The following KNDC1 variants were observed in gnomAD, a reference collection of about 807,000 sequenced individuals.
KNDC1 encodes kinase non-catalytic C-lobe domain containing 1, also known as kinase non-catalytic C-lobe domain-containing protein 1.
In KNDC1, 106 loss-of-function variants were observed where a neutral mutation model predicts 172.8. That is an observed-to-expected ratio of 0.61 (90% CI 0.52 to 0.72). The LOEUF (loss-of-function observed/expected upper bound fraction) is 0.72, where lower values mean the gene tolerates loss of function less well. Ranked by LOEUF, KNDC1 falls within the 30% of genes least tolerant of loss-of-function variation. The pLI, the probability that KNDC1 is intolerant of heterozygous loss-of-function variation, is 0.00. For synonymous variants in KNDC1, 1,083 were observed against 1,062.2 expected (o/e 1.02, Z -0.38); for missense variants, 2,325 against 2,394.5 (o/e 0.97, Z 0.61).
rs1303846964 is a variant in KNDC1, at chr10:133,209,276, GGTGTGTGGAGTATAGT to G, written c.3795-1326_3795-1311del. On this transcript the variant is annotated intron_variant, in intron 20 of 29. Coordinates refer to ENST00000304613, the MANE Select transcript of KNDC1 (RefSeq NM_152643.8). This position sits in a 1 kb window ranked among gnomAD's most constrained non-coding sequence, Gnocchi z 4.9. ...GTGTGGTATGCGGTAGTGTGTGTGT[GGTGTGTGGAGTATAGT>G]GTGTGTGGTGTGGGGTACAGTGTGT... is the stretch of plus-strand genomic sequence containing the variant. Among the ~76,000 whole-genome samples the G allele has an allele frequency of 9.6e-6, 1 of 104,406 alleles. No individual in the cohort carries two copies. Among genetic ancestry groups the G allele is most frequent in the African/African-American group, 3.6e-5 (1 of 28,096 alleles). The allele number at this position is 104,406 out of a possible 152,430, so 68.5% of individuals were successfully genotyped here.
At chr10:133,191,143 AG>A (rs760792567) in intron 9 of KNDC1, among the ~76,000 whole-genome samples, 2 of 152,176 alleles carry the variant, frequency 1.3e-5, no homozygotes, top group African/African-American at 2.4e-5. Context: ...GTTCGAGACC[AG>A]CCTGGGCAAC....
intron 3 of KNDC1, among the ~76,000 whole-genome samples, chr10:133,176,252 T>C (rs1207371083): frequency 1.3e-5 from 2 of 150,542 alleles, no homozygotes. Flanking sequence ...GGTGGATGGA[T>C]ACATAGGCGG....
At chr10:133,204,442 A>G (rs532800638) in intron 17 of KNDC1, among the ~76,000 whole-genome samples, 28 of 152,204 alleles carry the variant, frequency 1.8e-4, no homozygotes, top group African/African-American at 6.5e-4. Context: ...CGGGGTCCGG[A>G]GGGCTTGGGG....
In KNDC1 at chr10:133,210,627, G is replaced by T. The variant is rs1445464792; in HGVS notation, c.3811G>T (p.Gly1271Cys). 1 of 1,613,348 alleles carries T rather than the reference G, an allele frequency of 6.2e-7. No individual in the cohort carries two copies. The highest frequency in any genetic ancestry group is 1.1e-5 in the South Asian group (1 of 91,056). Residue 1271 changes from glycine (G) to cysteine (C), a missense_variant, in exon 21 of 30, where the codon GGT becomes TGT. Transcript: ENST00000304613. Reference protein sequence around the residue: ...YLYSSDAFLEGYVQQFLYTFR... With the variant: ...YLYSSDAFLECYVQQFLYTFR... ...GCCCCACAGTGATGCCTTCCTGGAG[G>T]GTTATGTGCAGCAATTCCTCTACAC...
chr10:133,168,342 C>A (rs774341111), intron 3 of KNDC1, 30 bp downstream of exon 3: 3 of 1,597,448 alleles, frequency 1.9e-6, no homozygotes, highest in Non-Finnish European at 1.7e-6. Context: ...ATGTGCCACA[C>A]CCCCCTTTTA....
intron 1 of KNDC1, among the ~76,000 whole-genome samples, chr10:133,164,746 C>T (rs942517767): frequency 4.8e-5 from 7 of 146,580 alleles, no homozygotes; most frequent in Non-Finnish European, 7.8e-5. Context: ...AGGACGCCCA[C>T]AGCTCAGGAC....
chr10:133,168,426 C>A, intron 3 of KNDC1, 114 bp downstream of exon 3: 2 of 1,128,590 alleles, frequency 1.8e-6, no homozygotes, highest in Non-Finnish European at 2.7e-6. Context: ...GGCCTCTGGC[C>A]GGGAGCGGAG....
intron 21 of KNDC1, 101 bp from the exon 22 acceptor site, chr10:133,211,321 T>C: frequency 9.6e-7 from 1 of 1,039,138 alleles, no homozygotes; most frequent in Non-Finnish European, 1.3e-6. Flanking sequence ...ACATGGAGCC[T>C]GGTCCCACCC....
In KNDC1 at chr10:133,222,062, ACT is replaced by A. The variant is rs1491039915; in HGVS notation, c.5018+1951_5018+1952del. ...TCTGGGAGGCCGAGGCGGGCGGATCACTTGAGGTCAGGAGTTCAAGACCAGCC... is the reference window on the plus strand; with the variant it reads ...TCTGGGAGGCCGAGGCGGGCGGATCATGAGGTCAGGAGTTCAAGACCAGCC... On this transcript the variant is annotated intron_variant, in intron 29 of 29. Coordinates refer to ENST00000304613, the MANE Select transcript of KNDC1 (RefSeq NM_152643.8). 3.5e-4 allele frequency among the ~76,000 whole-genome samples: 21 copies of A among 59,740 alleles called. 6 individuals carry two copies. Among genetic ancestry groups the A allele is most frequent in the Non-Finnish European group, 1.2e-3 (21 of 17,550 alleles). The allele number at this position is 59,740 out of a possible 152,430, so 39.2% of individuals were successfully genotyped here. A position where few individuals can be genotyped will look rare whatever the true frequency, so the allele number is the denominator to read the frequency against.
chr10:133,223,366 C>CGT (rs1157738065), intron 29 of KNDC1, among the ~76,000 whole-genome samples: 1 of 37,298 alleles, frequency 2.7e-5, no homozygotes, highest in South Asian at 9.0e-4. Flanking sequence ...CTCTTCTCGG[C>CGT]GTGTGTGTGT....
At chr10:133,207,799 C>G (rs1199083720) in intron 20 of KNDC1, among the ~76,000 whole-genome samples, 1 of 152,234 alleles carries the variant, frequency 6.6e-6, no homozygotes, top group African/African-American at 2.4e-5. Flanking sequence ...TCAGGAGACC[C>G]CTGATCCGTA....
chr10:133,180,248 C>T (rs1269103589), intron 3 of KNDC1, among the ~76,000 whole-genome samples: 1 of 152,262 alleles, frequency 6.6e-6, no homozygotes, highest in Non-Finnish European at 1.5e-5. Flanking sequence ...GTGCACCATC[C>T]TTCAGGTCAG....
At position 133,186,171 on chromosome 10, in the gene KNDC1, C is replaced by T. The variant is rs755705832; in HGVS notation, c.823C>T (p.Arg275Trp). 7.6e-6 allele frequency: 12 copies of T among 1,579,274 alleles called. No individual in the cohort carries two copies. The highest frequency in any genetic ancestry group is 3.6e-5 in the Admixed American group (2 of 56,256). ...TPVRNGESHS[R>W]EGLAGLVLDA... Reference sequence around the variant, plus strand: ...GGTGAGAAATGGCGAGAGCCACAGCCGGGAGGGGCTGGCCGGCCTCGTCCT... The same window carrying T: ...GGTGAGAAATGGCGAGAGCCACAGCTGGGAGGGGCTGGCCGGCCTCGTCCT... The change falls in exon 6 of 30, where the codon CGG (arginine) becomes TGG (tryptophan). Residue 275 changes from arginine to tryptophan, a missense_variant. Coordinates refer to ENST00000304613, the MANE Select transcript of KNDC1 (RefSeq NM_152643.8).
At position 133,212,790 on chromosome 10, in the gene KNDC1, TGCC is replaced by T; in HGVS notation, c.4315_4317del (p.Ala1439del). 2 of 1,613,984 alleles carry T rather than the reference TGCC, an allele frequency of 1.2e-6. No individual in the cohort carries two copies. Among genetic ancestry groups the T allele is most frequent in the Non-Finnish European group, 1.7e-6 (2 of 1,179,954 alleles). On this transcript the variant is annotated inframe_deletion, in exon 24 of 30. Coordinates refer to ENST00000304613, the MANE Select transcript of KNDC1 (RefSeq NM_152643.8). ...ACAAGGAGCGCCCCTACACCATTGC[TGCC>T]GCCCTGCCCAAGCCCTGCTTCCTCG... is the stretch of plus-strand genomic sequence containing the variant.
chr10:133,169,936 A>C (rs1191720278), intron 3 of KNDC1, among the ~76,000 whole-genome samples: 1 of 152,194 alleles, frequency 6.6e-6, no homozygotes. Flanking sequence ...CTTCATTTTT[A>C]TCCCGCGTTG....
intron 17 of KNDC1, among the ~76,000 whole-genome samples, chr10:133,203,217 C>A (rs12781028): frequency 2.7e-5 from 2 of 75,288 alleles, no homozygotes; most frequent in Non-Finnish European, 6.2e-5. Context: ...AAACGCACGG[C>A]GTCCAGTGGG....
rs746323123 is a variant in KNDC1 at position 133,218,867 on chromosome 10, G to A, written c.4714G>A (p.Ala1572Thr). The A allele has an allele frequency of 1.2e-6, 2 of 1,613,138 alleles. No individual in the cohort carries two copies. The highest frequency in any genetic ancestry group is 1.7e-6 in the Non-Finnish European group (2 of 1,179,254). ...VNLLSKFLLI[A>T]KSCYEQRNFA... ...CTTGCTGTCCAAATTTTTGCTGATT[G>A]CAAAATCTTGCTATGAGCAGAGAAA... Residue 1572 changes from alanine to threonine, a missense_variant, in exon 27 of 30, where the codon GCA becomes ACA. Physicochemically the swap from Ala to Thr is moderately conservative, Grantham distance 58. Coordinates refer to ENST00000304613, the MANE Select transcript of KNDC1 (RefSeq NM_152643.8).
chr10:133,224,240 A>G lies in KNDC1; in HGVS notation c.5019-419A>G, dbSNP rs932882769. On this transcript the variant is annotated intron_variant, in intron 29 of 29. Transcript: ENST00000304613. This position sits in a 1 kb window ranked among gnomAD's most constrained non-coding sequence, Gnocchi z 5.4. ...ATTCTATGGTGTGCTGGTCACTGTC[A>G]ACCAGCTGTCCCAGGCTTCCGGCCC... is the stretch of plus-strand genomic sequence containing the variant. 4.6e-5 allele frequency among the ~76,000 whole-genome samples: 7 copies of G among 152,184 alleles called. No individual in the cohort carries two copies. Among genetic ancestry groups the G allele is most frequent in the Non-Finnish European group, 1.0e-4 (7 of 68,030 alleles).
At chr10:133,179,086 C>T (rs752627705) in intron 3 of KNDC1, 5 of 152,222 alleles carry the variant, frequency 3.3e-5, no homozygotes, top group Admixed American at 1.3e-4. Flanking sequence ...ATTTAAGATT[C>T]GCACGTCTTT....
Sources: gnomAD v4.1 joint callset for allele counts (sites outside exome capture counted in the v4.1 genomes callset) on GRCh38, gnomAD v4.1.1 for gene constraint, Gnocchi (gnomAD v3.1) non-coding constraint, MANE v1.5 for transcripts, NCBI Gene and HGNC (gene_info 2026-07-23, HGNC 2026-07-21) for gene names.